Variants in TNRC6B observed in about 807,000 individuals in gnomAD.
TNRC6B encodes the protein trinucleotide repeat containing adaptor 6B.
In TNRC6B, 52 loss-of-function variants were observed where a neutral mutation model predicts 203.6. That is an observed-to-expected ratio of 0.26 (90% CI 0.20 to 0.32). The LOEUF is 0.32. Among genes scored for constraint, TNRC6B ranks in the 10% least tolerant of loss-of-function variants. The probability of loss-of-function intolerance (pLI) is 1.00; values close to 1 mark genes in which losing one functional copy is unlikely to be tolerated. For missense variants in TNRC6B, 1,923 were observed against 2,286.2 expected (o/e 0.84, Z 3.24); for synonymous variants, 838 against 845.7 (o/e 0.99, Z 0.16).
rs1323864739 is a variant in TNRC6B at position 40,135,617 on chromosome 22, T to A, written c.45+9755T>A. Among the ~76,000 whole-genome samples, 3 of 152,154 alleles carry A rather than the reference T, an allele frequency of 2.0e-5. No individual in the cohort carries two copies. In the East Asian group the frequency reaches 5.8e-4, roughly 29 times the overall value. ...AATGGGCTCAAGTGATCTTCCCACC[T>A]CAGCCTCCGGAATAGCTGAGACTAC... On this transcript the variant is annotated intron_variant, in intron 3 of 23. Transcript: ENST00000301923.
At chr22:40,097,265 T>C (rs2068192904) in intron 1 of TNRC6B, among the ~76,000 whole-genome samples, 1 of 152,134 alleles carries the variant, frequency 6.6e-6, no homozygotes, top group Non-Finnish European at 1.5e-5. Flanking sequence ...GGAAAATTCT[T>C]GCATCCTATT....
chr22:40,223,286 G>A (rs1047349067), intron 1 of TNRC6B, among the ~76,000 whole-genome samples: 4 of 152,020 alleles, frequency 2.6e-5, no homozygotes, highest in African/African-American at 4.8e-5. Context: ...GATTATAGGC[G>A]TGTGCCACCA....
At chr22:40,159,588 A>G (rs1002929946) in intron 4 of TNRC6B, among the ~76,000 whole-genome samples, 5 of 151,818 alleles carry the variant, frequency 3.3e-5, no homozygotes, top group Non-Finnish European at 7.4e-5. Flanking sequence ...GCAGTGAGCC[A>G]AGATTGTGCC....
chr22:40,307,541 T>G (rs1033126950), intron 15 of TNRC6B, among the ~76,000 whole-genome samples: 1 of 152,160 alleles, frequency 6.6e-6, no homozygotes, highest in Non-Finnish European at 1.5e-5. Context: ...CTGACCCAAA[T>G]GGATGACGGA....
intron 1 of TNRC6B, among the ~76,000 whole-genome samples, chr22:40,193,467 C>T (rs560655654): frequency 6.6e-6 from 1 of 152,228 alleles, no homozygotes; most frequent in South Asian, 2.1e-4. Flanking sequence ...GTTGGGCTTC[C>T]CTTCTGAAGC....
intron 4 of TNRC6B, among the ~76,000 whole-genome samples, chr22:40,165,561 C>T (rs1413716045): frequency 6.6e-6 from 1 of 152,130 alleles, no homozygotes; most frequent in Non-Finnish European, 1.5e-5. Context: ...TACCTATAGG[C>T]CAGTGTATTA....
rs1210906079 is a variant in TNRC6B at position 40,253,775 on chromosome 22, C to A, written c.115+2575C>A. On this transcript the variant is annotated intron_variant, in intron 3 of 22. Coordinates refer to ENST00000454349, the MANE Select transcript of TNRC6B (RefSeq NM_001162501.2). ...GTTGGGTCTAGGTTTACAGCCACAT[C>A]TTCATCTTTATTCCCAGTAAGCCCA... 3.1e-5 allele frequency: 14 copies of A among 454,340 alleles called. No homozygotes were observed. The East Asian group carries it at 7.0e-4, about 23-fold the overall frequency. The allele number at this position is 454,340 out of a possible 1,614,324, so 28.1% of individuals were successfully genotyped here.
rs116135012 is a variant in TNRC6B, at chr22:40,156,318, G to C, written c.113+136G>C. On this transcript the variant is annotated intron_variant, in intron 4 of 23. Transcript: ENST00000301923. ...GAACTCACCAGTTGCTTTGGTGGCT[G>C]TTAATGCATTGCTTCTATTTATAGA... is the stretch of plus-strand genomic sequence containing the variant. 1,988 of 763,124 alleles carry C rather than the reference G, an allele frequency of 2.6e-3. 30 individuals carry two copies. In the African/African-American group the frequency reaches 0.033, roughly 13 times the overall value. The allele number at this position is 763,124 out of a possible 1,614,324, so 47.3% of individuals were successfully genotyped here.
chr22:40,208,133 C>A (rs59825949), intron 1 of TNRC6B, among the ~76,000 whole-genome samples: 17,959 of 106,662 alleles, frequency 0.17, 1,241 homozygotes, highest in East Asian at 0.31. Context: ...AAAAAAAAAA[C>A]AAAAAAACAA....
chr22:40,074,643 G>A (rs1187126329), intron 1 of TNRC6B, among the ~76,000 whole-genome samples: 1 of 151,972 alleles, frequency 6.6e-6, no homozygotes, highest in Non-Finnish European at 1.5e-5. Context: ...GCCAGGCGTG[G>A]TGGTGGGCGC....
At chr22:40,177,789 T>C (rs577985187), upstream of TNRC6B, 631 of 1,247,862 alleles carry the variant, frequency 5.1e-4, no homozygotes, top group Non-Finnish European at 6.2e-4. Context: ...ATTTCACAAA[T>C]GAAAGTGAGT....
Position 40,301,232 on chromosome 22 carries a change from C to T in TNRC6B, c.4019C>T (p.Pro1340Leu), listed in dbSNP as rs2071019056. 6.4e-7 allele frequency: 1 copy of T among 1,561,152 alleles called. No individual in the cohort carries two copies. The highest frequency in any genetic ancestry group is 1.9e-5 in the Admixed American group (1 of 51,924). The change falls in exon 15 of 23, where the codon CCT (proline) becomes CTT (leucine). Residue 1340 changes from proline to leucine, a missense_variant. Pro to Leu is a moderately conservative substitution (Grantham distance 98). Coordinates refer to ENST00000454349, the MANE Select transcript of TNRC6B (RefSeq NM_001162501.2). ...GGCATGAAGCACTCGCCCTCTCATC[C>T]TGTTGGGCCCAAGCCGCATCTGGAC... Reference protein sequence around the residue: ...QPGMKHSPSHPVGPKPHLDNM... With the variant: ...QPGMKHSPSHLVGPKPHLDNM...
At chr22:40,154,350 G>A (rs1357084839) in intron 3 of TNRC6B, among the ~76,000 whole-genome samples, 1 of 151,872 alleles carries the variant, frequency 6.6e-6, no homozygotes, top group Non-Finnish European at 1.5e-5. Flanking sequence ...TGTAATCCCA[G>A]CTACTCGGGA....
intron 3 of TNRC6B, among the ~76,000 whole-genome samples, chr22:40,252,984 A>G (rs957812511): frequency 5.9e-5 from 9 of 152,234 alleles, no homozygotes; most frequent in African/African-American, 2.2e-4. Context: ...CCTGGCCACA[A>G]GACTGATGCT....
At chr22:40,065,665 T>A (rs139902306) in intron 1 of TNRC6B, among the ~76,000 whole-genome samples, 1 of 152,280 alleles carries the variant, frequency 6.6e-6, no homozygotes, top group Non-Finnish European at 1.5e-5. Context: ...GATCTTTGTG[T>A]ATCTCTGTAA....
At chr22:40,242,085 A>G (rs1210214931) in intron 1 of TNRC6B, among the ~76,000 whole-genome samples, 3 of 152,188 alleles carry the variant, frequency 2.0e-5, no homozygotes, top group Non-Finnish European at 4.4e-5. Context: ...TTAGTGAAGA[A>G]TAGAAGCCAC....
chr22:40,055,330 ACACT>A (rs2067784575), intron 1 of TNRC6B, among the ~76,000 whole-genome samples: 1 of 152,172 alleles, frequency 6.6e-6, no homozygotes, highest in Admixed American at 6.5e-5. Flanking sequence ...AGGGAAGGTG[ACACT>A]CACACTAAGT....
In TNRC6B at chr22:40,178,062, T is replaced by G; in HGVS notation, c.-74T>G. On this transcript the variant is annotated 5_prime_UTR_variant, in exon 1 of 23. In the 5' UTR this introduces an upstream ATG that the reference lacks. Coordinates refer to ENST00000454349, the MANE Select transcript of TNRC6B (RefSeq NM_001162501.2). ...AAACAGATAGACAAAAAGAATTCAT[T>G]TTTTGGACCTTTTTTCATTTCCATT... The G allele has an allele frequency of 6.3e-7, 1 of 1,593,434 alleles. No homozygotes were observed. The highest frequency in any genetic ancestry group is 8.5e-7 in the Non-Finnish European group (1 of 1,173,642).
chr22:40,057,556 G>A (rs995577497), intron 1 of TNRC6B, among the ~76,000 whole-genome samples: 8 of 152,128 alleles, frequency 5.3e-5, no homozygotes, highest in African/African-American at 1.9e-4. Context: ...AAAGTGCTGG[G>A]ATTACAGGCG....
Sources: allele counts gnomAD v4.1 joint callset (sites outside exome capture counted in the v4.1 genomes callset), GRCh38; gene constraint gnomAD v4.1.1; transcripts MANE v1.5; gene names NCBI Gene and HGNC (gene_info 2026-07-23, HGNC 2026-07-21).